Variants in NR2C2 observed in about 807,000 individuals in gnomAD.
NR2C2 encodes the protein nuclear receptor subfamily 2 group C member 2.
Under a neutral mutation model 62.9 loss-of-function variants are expected in NR2C2, and 6 were observed. That is an observed-to-expected ratio of 0.10 (90% CI 0.05 to 0.19). The LOEUF is 0.19. Among genes scored for constraint, NR2C2 ranks in the 10% least tolerant of loss-of-function variants. NR2C2 has a pLI of 1.00. For synonymous variants in NR2C2, 272 were observed against 273.8 expected (o/e 0.99, Z 0.07); for missense variants, 479 against 762.7 (o/e 0.63, Z 4.38).
chr3:15,013,427 TTG>T (rs1227328853), intron 2 of NR2C2, among the ~76,000 whole-genome samples, 160 bp from the exon 3 acceptor site: 2 of 152,206 alleles, frequency 1.3e-5, no homozygotes, highest in Non-Finnish European at 2.9e-5. Flanking sequence ...AAGCTCACTA[TTG>T]TGTTTTATTT....
intron 1 of NR2C2, among the ~76,000 whole-genome samples, chr3:14,981,480 G>T (rs776144752): frequency 4.0e-5 from 6 of 151,674 alleles, no homozygotes; most frequent in Non-Finnish European, 7.4e-5. Context: ...GTGGGCGCCT[G>T]TACTCCCAGC....
Position 14,978,129 on chromosome 3 carries a change from G to A in NR2C2, c.-39-25747G>A, listed in dbSNP as rs908254615. On this transcript the variant is annotated intron_variant, in intron 1 of 13. Coordinates refer to ENST00000425241, the MANE Select transcript of NR2C2 (RefSeq NM_001291694.2). ...AAAAAGTGTTTTTGTACATGTGTAA[G>A]CCTCATCAGCTAGCTTGATTTTACT... Among the ~76,000 whole-genome samples, 13 of 152,086 alleles carry A rather than the reference G, an allele frequency of 8.5e-5. 1 individual carries two copies. The highest frequency in any genetic ancestry group is 8.5e-4 in the Admixed American group (13 of 15,264).
chr3:15,013,546 T>C, intron 2 of NR2C2, 43 bp from the exon 3 acceptor site: 1 of 1,579,540 alleles, frequency 6.3e-7, no homozygotes, highest in Admixed American at 1.7e-5. Context: ...TGCATGGGTC[T>C]TGTGACACTC....
At chr3:14,948,662 A>AG (rs1267610179) in intron 1 of NR2C2, 1 of 153,014 alleles carries the variant, frequency 6.5e-6, no homozygotes, top group Non-Finnish European at 1.5e-5. Flanking sequence ...TTGGGTCAGC[A>AG]GGTGGGCTGC....
intron 1 of NR2C2, among the ~76,000 whole-genome samples, chr3:14,957,805 AT>A (rs75352290): frequency 0.063 from 9,330 of 148,784 alleles, 362 homozygotes; most frequent in East Asian, 0.13. Flanking sequence ...TGCAGTCTAA[AT>A]TTTTTTTTTT....
At chr3:15,015,768 G>T (rs1048984781) in intron 3 of NR2C2, among the ~76,000 whole-genome samples, 4 of 152,148 alleles carry the variant, frequency 2.6e-5, no homozygotes, top group Non-Finnish European at 5.9e-5. Flanking sequence ...TTGAGAATTT[G>T]TAATTAAACA....
At chr3:15,032,636 T>G (rs1358810053) in intron 10 of NR2C2, 136 bp downstream of exon 10, 1 of 1,003,078 alleles carries the variant, frequency 1.0e-6, no homozygotes, top group Non-Finnish European at 1.5e-6. Context: ...AGTTTTTTAT[T>G]AAATATAGTT....
chr3:14,974,081 T>TA (rs2040131275), intron 1 of NR2C2, among the ~76,000 whole-genome samples: 1 of 152,220 alleles, frequency 6.6e-6, no homozygotes, highest in Non-Finnish European at 1.5e-5. Context: ...CTATACTTAT[T>TA]AAACAGCAAC....
At chr3:15,019,815 T>C (rs566266203) in intron 4 of NR2C2, among the ~76,000 whole-genome samples, 2 of 152,164 alleles carry the variant, frequency 1.3e-5, no homozygotes, top group African/African-American at 2.4e-5. Flanking sequence ...TACAGTTAAG[T>C]AGTAGGAACA....
chr3:14,980,479 A>G (rs2040335169), intron 1 of NR2C2, among the ~76,000 whole-genome samples: 1 of 152,160 alleles, frequency 6.6e-6, no homozygotes, highest in African/African-American at 2.4e-5. Flanking sequence ...TCTTACTCTT[A>G]AGAATGGGAA....
intron 13 of NR2C2, among the ~76,000 whole-genome samples, chr3:15,041,762 T>C (rs1404833513): frequency 1.1e-4 from 16 of 152,050 alleles, no homozygotes; most frequent in Admixed American, 1.0e-3. Flanking sequence ...AAGTCTGAGG[T>C]GGGAGACTCA....
chr3:14,960,287 A>G (rs1474523070), intron 1 of NR2C2, among the ~76,000 whole-genome samples: 5 of 152,234 alleles, frequency 3.3e-5, no homozygotes, highest in African/African-American at 1.2e-4. Context: ...ATAACTTATC[A>G]ACAAAAAATT....
intron 9 of NR2C2, 41 bp downstream of exon 9, chr3:15,030,493 G>A: frequency 6.5e-7 from 1 of 1,526,924 alleles, no homozygotes; most frequent in Non-Finnish European, 8.8e-7. Context: ...CAACCTGCTG[G>A]GGGATAGGTT....
At position 14,986,371 on chromosome 3, in the gene NR2C2, T is replaced by C. The variant is rs957310173; in HGVS notation, c.-39-17505T>C. On this transcript the variant is annotated intron_variant, in intron 1 of 13. Coordinates refer to ENST00000425241, the MANE Select transcript of NR2C2 (RefSeq NM_001291694.2). ...GTACTAAGAAGATACAATTGTTTTG[T>C]AGATGAAATGTAGAGTCAGCTGGAA... 2.6e-5 allele frequency among the ~76,000 whole-genome samples: 4 copies of C among 152,194 alleles called. No homozygotes were observed. The East Asian group carries it at 5.8e-4, about 22-fold the overall frequency.
At chr3:15,007,810 A>G (rs987481098) in intron 2 of NR2C2, among the ~76,000 whole-genome samples, 6 of 152,218 alleles carry the variant, frequency 3.9e-5, no homozygotes, top group Admixed American at 3.9e-4. Flanking sequence ...AGGTCCTGTC[A>G]TGTTCTGGGC....
rs145850819 is a variant in NR2C2 at position 14,972,606 on chromosome 3, G to T, written c.-40+24700G>T. 4.5e-4 allele frequency among the ~76,000 whole-genome samples: 68 copies of T among 152,250 alleles called. 1 individual carries two copies. The highest frequency in any genetic ancestry group is 1.5e-3 in the African/African-American group (64 of 41,520). On this transcript the variant is annotated intron_variant, in intron 1 of 13. Coordinates refer to ENST00000425241, the MANE Select transcript of NR2C2 (RefSeq NM_001291694.2). ...CTGTAGGAATTCTTTATATATTCTGGATATTAAGCCCTTATTAGATTGTAG... is the reference window on the plus strand; with the variant it reads ...CTGTAGGAATTCTTTATATATTCTGTATATTAAGCCCTTATTAGATTGTAG...
In NR2C2 at chr3:15,003,258, C is replaced by T. The variant is rs142706471; in HGVS notation, c.-39-618C>T. Among the ~76,000 whole-genome samples the T allele has an allele frequency of 1.5e-3, 227 of 152,146 alleles. 1 individual carries two copies. Among genetic ancestry groups the T allele is most frequent in the African/African-American group, 5.0e-3 (206 of 41,524 alleles). On this transcript the variant is annotated intron_variant, in intron 1 of 13. Transcript: ENST00000425241. ...AGCCAGCACACCCAGCCACAATACA[C>T]TTTCTATCAAGAAAAAATATATCTG...
At chr3:15,040,406 T>C (rs2042224245) in intron 13 of NR2C2, among the ~76,000 whole-genome samples, 1 of 152,178 alleles carries the variant, frequency 6.6e-6, no homozygotes, top group African/African-American at 2.4e-5. Flanking sequence ...TGGAACAAAA[T>C]TGACAGCCTG....
At chr3:14,978,062 A>G (rs2040259416) in intron 1 of NR2C2, among the ~76,000 whole-genome samples, 1 of 151,922 alleles carries the variant, frequency 6.6e-6, no homozygotes, top group Non-Finnish European at 1.5e-5. Context: ...AAAATATTAA[A>G]AAAAAAGAAT....
Sources: gnomAD v4.1 joint callset for allele counts (sites outside exome capture counted in the v4.1 genomes callset) on GRCh38, gnomAD v4.1.1 for gene constraint, MANE v1.5 for transcripts, NCBI Gene and HGNC (gene_info 2026-07-23, HGNC 2026-07-21) for gene names.